Variants in ZNF618 observed in about 807,000 individuals in gnomAD.
The protein encoded by ZNF618 is neural precursor cell expressed, developmentally down-regulated 10.
A neutral mutation model predicts 103.0 loss-of-function variants in ZNF618; 34 were observed. The observed-to-expected ratio is 0.33, with a 90% CI of 0.25 to 0.44. The LOEUF (loss-of-function observed/expected upper bound fraction) is 0.44. Ranked by LOEUF, ZNF618 falls within the 20% of genes least tolerant of loss-of-function variation. The pLI is 1.00. For missense variants in ZNF618, 1,059 were observed against 1,295.4 expected (o/e 0.82, Z 2.80); for synonymous variants, 551 against 542.2 (o/e 1.02, Z -0.23).
At chr9:113,968,647 TA>T (rs1449481837) in intron 1 of ZNF618, among the ~76,000 whole-genome samples, 1 of 152,036 alleles carries the variant, frequency 6.6e-6, no homozygotes, top group African/African-American at 2.4e-5. Context: ...CACACCCAAA[TA>T]AAAGAGATTA....
At chr9:113,933,515 A>G (rs988818858) in intron 1 of ZNF618, among the ~76,000 whole-genome samples, 5 of 152,090 alleles carry the variant, frequency 3.3e-5, no homozygotes, top group East Asian at 1.9e-4. Flanking sequence ...GATTGCTTCT[A>G]TTTTCTCAGG....
chr9:114,000,727 G>T (rs898025275), intron 4 of ZNF618, among the ~76,000 whole-genome samples: 2 of 152,186 alleles, frequency 1.3e-5, no homozygotes, highest in Non-Finnish European at 2.9e-5. Context: ...AGGAGTTAAT[G>T]ATCTTCACCT....
chr9:113,995,471 A>G (rs1840481076), intron 3 of ZNF618, among the ~76,000 whole-genome samples: 1 of 152,258 alleles, frequency 6.6e-6, no homozygotes, highest in South Asian at 2.1e-4. Flanking sequence ...TATTGCTAGA[A>G]GGAGACAAGA....
chr9:113,977,501 GTGCAGGATGGTCTT>G (rs1466731038), intron 2 of ZNF618, among the ~76,000 whole-genome samples: 1 of 152,176 alleles, frequency 6.6e-6, no homozygotes, highest in Non-Finnish European at 1.5e-5. Context: ...GACCTCATGT[GTGCAGGATGGTCTT>G]TGCAGGGTGG....
At position 113,990,499 on chromosome 9, in the gene ZNF618, A is replaced by G. The variant is rs77598497; in HGVS notation, c.337+1919A>G. On this transcript the variant is annotated intron_variant, in intron 3 of 14. Transcript: ENST00000374126. ...GATCCTGAAAGGTACAAGATATCTT[A>G]GTAGCTCAAAACCACAGCAGTTTAT... Among the ~76,000 whole-genome samples the G allele has an allele frequency of 1.3e-3, 205 of 152,366 alleles. 5 individuals carry two copies. In the East Asian group the frequency reaches 0.037, roughly 27 times the overall value.
At chr9:114,034,759 C>A (rs908927399) in intron 12 of ZNF618, among the ~76,000 whole-genome samples, 1 of 152,188 alleles carries the variant, frequency 6.6e-6, no homozygotes, top group Non-Finnish European at 1.5e-5. Context: ...CCAGCAGGAG[C>A]CCTCCAAAGC....
At chr9:114,046,505 C>T (rs1845667168) in intron 13 of ZNF618, among the ~76,000 whole-genome samples, 1 of 152,110 alleles carries the variant, frequency 6.6e-6, no homozygotes, top group Non-Finnish European at 1.5e-5. Context: ...ATGATGTTTG[C>T]ACAATGACAA....
intron 1 of ZNF618, among the ~76,000 whole-genome samples, chr9:113,941,757 G>A (rs1052154974): frequency 7.1e-6 from 1 of 140,518 alleles, no homozygotes; most frequent in Non-Finnish European, 1.6e-5. Flanking sequence ...ACTTTTATCA[G>A]GATGTGTCTA....
At chr9:114,033,995 C>T (rs1293548718) in intron 12 of ZNF618, among the ~76,000 whole-genome samples, 1 of 152,140 alleles carries the variant, frequency 6.6e-6, no homozygotes, top group Non-Finnish European at 1.5e-5. Context: ...AACCCCAGCT[C>T]CACCACTTAC....
At chr9:114,038,914 G>A (rs1010561417) in intron 13 of ZNF618, among the ~76,000 whole-genome samples, 3 of 152,190 alleles carry the variant, frequency 2.0e-5, no homozygotes, top group African/African-American at 7.2e-5. Flanking sequence ...GTGGCGCCAG[G>A]CCTTGTTCTA....
chr9:113,888,847 G>C (rs1829327037), intron 1 of ZNF618, among the ~76,000 whole-genome samples: 1 of 152,168 alleles, frequency 6.6e-6, no homozygotes, highest in Non-Finnish European at 1.5e-5. Context: ...AGAATCAGAG[G>C]GCAATTGGAA....
intron 3 of ZNF618, among the ~76,000 whole-genome samples, chr9:113,991,036 C>G (rs943157920): frequency 6.6e-6 from 1 of 152,200 alleles, no homozygotes; most frequent in African/African-American, 2.4e-5. Flanking sequence ...CCAGGAGATG[C>G]CCAGGAAAGG....
At position 114,053,110 on chromosome 9, in the gene ZNF618, G is replaced by A. The variant is rs1181935973; in HGVS notation, c.*2943G>A. 2.0e-5 allele frequency: 3 copies of A among 152,592 alleles called. No homozygotes were observed. The highest frequency in any genetic ancestry group is 7.2e-5 in the African/African-American group (3 of 41,460). The allele number at this position is 152,592 out of a possible 1,614,324, so 9.5% of individuals were successfully genotyped here. ...TCACCAACAGGAAAGGCTGTACCAA[G>A]GTGCCCTCTTCTCAGACAGGCTGTT... On this transcript the variant is annotated 3_prime_UTR_variant, in exon 15 of 15. Transcript: ENST00000374126.
intron 11 of ZNF618, 149 bp downstream of exon 11, chr9:114,029,121 C>A: frequency 8.5e-7 from 1 of 1,178,858 alleles, no homozygotes; most frequent in Non-Finnish European, 1.2e-6. Flanking sequence ...CCAGCTCTGC[C>A]TCTGGCTGGC....
chr9:113,898,559 T>A (rs984331891), intron 1 of ZNF618, among the ~76,000 whole-genome samples: 22 of 151,662 alleles, frequency 1.5e-4, no homozygotes, highest in Non-Finnish European at 1.3e-4. Flanking sequence ...CCTGAGGAGC[T>A]GGGACTACAG....
intron 11 of ZNF618, among the ~76,000 whole-genome samples, chr9:114,030,018 G>A (rs1025703193): frequency 2.6e-4 from 39 of 152,292 alleles, no homozygotes; most frequent in Admixed American, 2.0e-3. Flanking sequence ...CTCTGGGACC[G>A]CGGGCCCTTC....
At chr9:113,895,818 C>G (rs1829988477) in intron 1 of ZNF618, among the ~76,000 whole-genome samples, 1 of 152,022 alleles carries the variant, frequency 6.6e-6, no homozygotes, top group Non-Finnish European at 1.5e-5. Flanking sequence ...AAATAACTTG[C>G]CATTAAACTC....
rs749453827 is a variant in ZNF618 at position 113,926,919 on chromosome 9, G to T, written c.34-42198G>T. 2.8e-4 allele frequency among the ~76,000 whole-genome samples: 43 copies of T among 152,170 alleles called. 1 individual carries two copies. Among genetic ancestry groups the T allele is most frequent in the Non-Finnish European group, 5.9e-5 (4 of 68,038 alleles). ...TCTCAGCTACTCAGGAGGCTGAGGT[G>T]GGAGGATCACTTGAGCCTGGGAGGC... On this transcript the variant is annotated intron_variant, in intron 1 of 14. Coordinates refer to ENST00000374126, the MANE Select transcript of ZNF618 (RefSeq NM_001318042.2).
intron 1 of ZNF618, among the ~76,000 whole-genome samples, chr9:113,954,690 T>C (rs1836091425): frequency 6.6e-6 from 1 of 152,180 alleles, no homozygotes; most frequent in Admixed American, 6.5e-5. Context: ...TTGACCTCAG[T>C]TCCATGCCTT....
Sources: allele counts gnomAD v4.1 joint callset (sites outside exome capture counted in the v4.1 genomes callset), GRCh38; gene constraint gnomAD v4.1.1; transcripts MANE v1.5; gene names NCBI Gene and HGNC (gene_info 2026-07-23, HGNC 2026-07-21).